Variants in NNT observed in about 807,000 individuals in gnomAD.
NNT encodes the protein NAD(P) transhydrogenase, mitochondrial.
NNT carries 50 observed loss-of-function variants against 104.8 expected under a neutral mutation model. The observed-to-expected ratio is 0.48, with a 90% confidence interval of 0.38 to 0.60. The LOEUF (loss-of-function observed/expected upper bound fraction) is 0.60. NNT is among the 20% of genes least tolerant of loss of function. The pLI is 0.00. For missense variants in NNT, 1,131 were observed against 1,330.7 expected (o/e 0.85, Z 2.33); for synonymous variants, 461 against 490.4 (o/e 0.94, Z 0.79).
In NNT at chr5:43,703,782, T is replaced by G. The variant is rs552911944; in HGVS notation, c.3112-473T>G. On this transcript the variant is annotated intron_variant, in intron 21 of 21. Transcript: ENST00000344920. ...TGAGAAGCTGGATTGCTCTTTGGGCTTTTGTTCTAGAACTTTCTGATATAC... is the reference window on the plus strand; with the variant it reads ...TGAGAAGCTGGATTGCTCTTTGGGCGTTTGTTCTAGAACTTTCTGATATAC... Among the ~76,000 whole-genome samples the G allele has an allele frequency of 6.6e-5, 10 of 152,302 alleles. No homozygotes were observed. The East Asian group carries it at 1.9e-3, about 29-fold the overall frequency.
intron 17 of NNT, among the ~76,000 whole-genome samples, chr5:43,665,388 A>G (rs1349674362): frequency 2.6e-5 from 4 of 152,142 alleles, no homozygotes; most frequent in Non-Finnish European, 5.9e-5. Context: ...GCCGCCTTCC[A>G]CAGTGTTTGT....
At chr5:43,603,711 A>T (rs1373537198) in intron 1 of NNT, among the ~76,000 whole-genome samples, 4 of 151,910 alleles carry the variant, frequency 2.6e-5, no homozygotes, top group African/African-American at 9.7e-5. Flanking sequence ...GAGGTCATAG[A>T]GGACTTTCGA....
At chr5:43,642,815 T>C (rs963371935) in intron 7 of NNT, among the ~76,000 whole-genome samples, 4 of 152,224 alleles carry the variant, frequency 2.6e-5, no homozygotes, top group Admixed American at 2.6e-4. Context: ...CCACATGTAC[T>C]ACAAATGTTA....
At chr5:43,647,674 T>A (rs975260610) in intron 10 of NNT, among the ~76,000 whole-genome samples, 2 of 152,208 alleles carry the variant, frequency 1.3e-5, no homozygotes, top group African/African-American at 2.4e-5. Flanking sequence ...ACTAAATATA[T>A]TATAGAAAAT....
chr5:43,653,849 G>C (rs998843162), intron 14 of NNT, among the ~76,000 whole-genome samples: 4 of 151,938 alleles, frequency 2.6e-5, no homozygotes, highest in African/African-American at 9.7e-5. Flanking sequence ...CAGCTTCTTG[G>C]GTGGCTGAAG....
intron 2 of NNT, among the ~76,000 whole-genome samples, chr5:43,611,273 A>G (rs940482285): frequency 6.6e-6 from 1 of 152,186 alleles, no homozygotes; most frequent in Non-Finnish European, 1.5e-5. Flanking sequence ...AATTAACAAC[A>G]TTCTAGGTTT....
rs1216593159 is a variant in NNT at position 43,644,704 on chromosome 5, G to A, written c.1192G>A (p.Ala398Thr). 1 of 1,614,162 alleles carries A rather than the reference G, an allele frequency of 6.2e-7. No individual in the cohort carries two copies. Residue 398 changes from alanine (A) to threonine (T), a missense_variant, in exon 9 of 22, where the codon GCC (alanine) becomes ACC (threonine). Transcript: ENST00000344920. Reference protein sequence around the residue: ...YSNNITKLLKAISPDKDNFYF... With the variant: ...YSNNITKLLKTISPDKDNFYF... ...CAACAACATCACCAAACTCCTGAAG[G>A]CCATCAGCCCGGACAAAGATAATTT...
rs966514523 is a variant in NNT, at chr5:43,689,111, T to C, written c.2877-11008T>C. On this transcript the variant is annotated intron_variant, in intron 19 of 21. Transcript: ENST00000344920. ...GATTGAGGTGGTATTGCATTGAGGT[T>C]TGGTTTTCATTTCCTTGATAATTAG... Among the ~76,000 whole-genome samples, 2 of 152,358 alleles carry C rather than the reference T, an allele frequency of 1.3e-5. 1 individual carries two copies. The highest frequency in any genetic ancestry group is 4.1e-4 in the South Asian group (2 of 4,830).
In NNT at chr5:43,705,211, A is replaced by G. The variant is rs1264142172; in HGVS notation, c.*807A>G. The G allele has an allele frequency of 1.3e-5, 2 of 152,216 alleles. No homozygotes were observed. Among genetic ancestry groups the G allele is most frequent in the East Asian group, 3.8e-4 (2 of 5,198 alleles). 9.4% of individuals were successfully genotyped at this position (152,216 alleles called of 1,614,324 possible). Reference sequence around the variant, plus strand: ...GAGTGGAATTCAACATTTGACTAATAAAATGAGTTCATCATGTTGGCAAGT... The same window carrying G: ...GAGTGGAATTCAACATTTGACTAATGAAATGAGTTCATCATGTTGGCAAGT... On this transcript the variant is annotated 3_prime_UTR_variant, in exon 22 of 22. Coordinates refer to ENST00000344920, the MANE Select transcript of NNT (RefSeq NM_182977.3).
Position 43,671,809 on chromosome 5 carries a change from T to G in NNT, c.2635-3702T>G, listed in dbSNP as rs200223307. 1.1e-4 allele frequency among the ~76,000 whole-genome samples: 17 copies of G among 152,348 alleles called. No individual in the cohort carries two copies. The East Asian group carries it at 3.3e-3, about 29-fold the overall frequency. On this transcript the variant is annotated intron_variant, in intron 17 of 21. Transcript: ENST00000344920. The stretch of plus-strand genomic sequence containing the variant: ...GTATCTCTGTGGTATTCTCTGTATT[T>G]CCTGAATTTGAATGTTGGCCTGCCT...
chr5:43,626,737 T>C (rs1341992831), intron 6 of NNT, among the ~76,000 whole-genome samples: 3 of 150,808 alleles, frequency 2.0e-5, no homozygotes, highest in South Asian at 4.2e-4. Flanking sequence ...TTATAGAAAT[T>C]ATATATATAT....
chr5:43,663,858 G>T (rs572935537), intron 17 of NNT, among the ~76,000 whole-genome samples: 2 of 152,274 alleles, frequency 1.3e-5, no homozygotes, highest in South Asian at 4.1e-4. Context: ...CACACAAATT[G>T]GTTTGTTAAA....
intron 19 of NNT, among the ~76,000 whole-genome samples, chr5:43,689,904 G>T (rs973566941): frequency 2.0e-5 from 3 of 151,958 alleles, no homozygotes; most frequent in African/African-American, 7.3e-5. Flanking sequence ...CGAACAAACA[G>T]AAGAAAGAAC....
chr5:43,620,054 A>C (rs997627204), intron 5 of NNT, among the ~76,000 whole-genome samples: 1 of 152,034 alleles, frequency 6.6e-6, no homozygotes, highest in Non-Finnish European at 1.5e-5. Context: ...CCATGACCCA[A>C]ACACCTCCCA....
chr5:43,636,371 A>T (rs1362771602), intron 7 of NNT, among the ~76,000 whole-genome samples: 2 of 152,176 alleles, frequency 1.3e-5, no homozygotes, highest in Non-Finnish European at 2.9e-5. Flanking sequence ...TTACATAACC[A>T]GTATTTATTG....
At chr5:43,693,774 T>C (rs1742412602) in intron 19 of NNT, among the ~76,000 whole-genome samples, 1 of 152,210 alleles carries the variant, frequency 6.6e-6, no homozygotes, top group African/African-American at 2.4e-5. Context: ...TAATTCATGG[T>C]TGAAGAACCT....
chr5:43,688,909 A>G (rs1315474657), intron 19 of NNT, among the ~76,000 whole-genome samples: 3 of 152,244 alleles, frequency 2.0e-5, no homozygotes, highest in Non-Finnish European at 4.4e-5. Flanking sequence ...GTAGATACCT[A>G]GCAGTGGGAT....
chr5:43,667,730 G>A (rs550710165), intron 17 of NNT, among the ~76,000 whole-genome samples: 4 of 152,280 alleles, frequency 2.6e-5, no homozygotes, highest in East Asian at 1.9e-4. Context: ...ATAAACATAC[G>A]TGTGCATGTG....
intron 7 of NNT, among the ~76,000 whole-genome samples, chr5:43,634,726 C>A (rs1244028635): frequency 2.0e-5 from 3 of 152,170 alleles, no homozygotes; most frequent in African/African-American, 4.8e-5. Context: ...GCTGTCTACA[C>A]ACCTCTTCGT....
Sources: gnomAD v4.1 joint callset for allele counts (sites outside exome capture counted in the v4.1 genomes callset) on GRCh38, gnomAD v4.1.1 for gene constraint, MANE v1.5 for transcripts, NCBI Gene and HGNC (gene_info 2026-07-23, HGNC 2026-07-21) for gene names.